TTC28: variants seen among roughly 807,000 people sequenced by gnomAD.
The protein encoded by TTC28 is tetratricopeptide repeat domain 28.
Under a neutral mutation model 198.0 loss-of-function variants are expected in TTC28, and 61 were observed. The observed-to-expected ratio is 0.31, with a 90% CI of 0.25 to 0.38. The LOEUF (loss-of-function observed/expected upper bound fraction) is 0.38, where lower values mean the gene tolerates loss of function less well. Ranked by LOEUF, TTC28 falls within the 10% of genes least tolerant of loss-of-function variation. TTC28 has a pLI of 1.00. For missense variants in TTC28, 2,678 were observed against 3,164.0 expected (o/e 0.85, Z 3.69); for synonymous variants, 1,171 against 1,297.8 (o/e 0.90, Z 2.10).
intron 5 of TTC28, among the ~76,000 whole-genome samples, chr22:28,286,503 C>T (rs951823926): frequency 6.6e-6 from 1 of 152,118 alleles, no homozygotes; most frequent in Non-Finnish European, 1.5e-5. Flanking sequence ...TTTAAATGCT[C>T]AATAGCCACA....
At chr22:28,540,256 T>C (rs897922076) in intron 2 of TTC28, among the ~76,000 whole-genome samples, 4 of 152,004 alleles carry the variant, frequency 2.6e-5, no homozygotes, top group African/African-American at 9.7e-5. Flanking sequence ...CAGGAAGCTT[T>C]ACAATCGTGG....
intron 2 of TTC28, among the ~76,000 whole-genome samples, chr22:28,332,702 C>T (rs576242035): frequency 1.4e-4 from 22 of 152,092 alleles, no homozygotes; most frequent in Non-Finnish European, 3.1e-4. Flanking sequence ...TACTTTATAT[C>T]CACATTTAAA....
chr22:28,454,413 T>C (rs1299047760), intron 2 of TTC28, among the ~76,000 whole-genome samples: 6 of 152,206 alleles, frequency 3.9e-5, no homozygotes. Flanking sequence ...CAATAAAATG[T>C]TCAGCATGGC....
At position 27,982,663 on chromosome 22, in the gene TTC28, C is replaced by G; in HGVS notation, c.7004G>C (p.Ser2335Thr). Reference protein sequence around the residue: ...SYSSAGSARSSPADAPDIDKL... With the variant: ...SYSSAGSARSTPADAPDIDKL... Reference sequence around the variant, plus strand: ...GTCTATGTCGGGAGCGTCTGCTGGACTTGAGCGAGCAGATCCAGCTGAGGA... The same window carrying G: ...GTCTATGTCGGGAGCGTCTGCTGGAGTTGAGCGAGCAGATCCAGCTGAGGA... Residue 2335 changes from serine to threonine, a missense_variant, in exon 23 of 23, where the codon AGT becomes ACT. By Grantham distance (58) the Ser-to-Thr change is moderately conservative. This residue lies in a region of TTC28 where 622 missense variants were observed against 656.0 expected (regional missense o/e 0.95). Transcript: ENST00000397906. This position sits in a 1 kb window ranked among gnomAD's most constrained non-coding sequence, Gnocchi z 5.2. 1 of 1,551,672 alleles carries G rather than the reference C, an allele frequency of 6.4e-7. No homozygotes were observed. The highest frequency in any genetic ancestry group is 8.7e-7 in the Non-Finnish European group (1 of 1,147,004).
intron 1 of TTC28, among the ~76,000 whole-genome samples, chr22:28,641,944 C>T (rs375445160): frequency 1.7e-4 from 26 of 152,124 alleles, no homozygotes; most frequent in African/African-American, 5.8e-4. Flanking sequence ...CCTTAGTGTA[C>T]GTATAAATTA....
At chr22:28,135,068 A>G (rs963501525) in intron 6 of TTC28, among the ~76,000 whole-genome samples, 2 of 152,114 alleles carry the variant, frequency 1.3e-5, no homozygotes, top group African/African-American at 4.8e-5. Context: ...GTGATTTTCT[A>G]TTGAAACCTA....
Position 28,615,454 on chromosome 22 carries a change from T to C in TTC28, c.381+14098A>G, listed in dbSNP as rs1233069472. Among the ~76,000 whole-genome samples, 6 of 152,194 alleles carry C rather than the reference T, an allele frequency of 3.9e-5. No individual in the cohort carries two copies. In the East Asian group the frequency reaches 1.2e-3, roughly 29 times the overall value. On this transcript the variant is annotated intron_variant, in intron 2 of 22. Coordinates refer to ENST00000397906, the MANE Select transcript of TTC28 (RefSeq NM_001145418.2). ...CCCAGCCATCCCATTACTGGGTATA[T>C]ACCCAAAGGATTATAAATCATGCTG...
intron 2 of TTC28, among the ~76,000 whole-genome samples, chr22:28,409,592 T>C (rs2047050816): frequency 6.7e-6 from 1 of 149,918 alleles, no homozygotes; most frequent in African/African-American, 2.4e-5. Context: ...ATAAAAAACA[T>C]ATATGGAAAC....
chr22:28,376,259 G>A (rs1053344775), intron 2 of TTC28, among the ~76,000 whole-genome samples: 3 of 152,172 alleles, frequency 2.0e-5, no homozygotes, highest in African/African-American at 7.2e-5. Flanking sequence ...TGCTCAGACT[G>A]GTGTAAGCTA....
chr22:28,046,110 C>T (rs1249988706), intron 12 of TTC28, among the ~76,000 whole-genome samples: 1 of 152,168 alleles, frequency 6.6e-6, no homozygotes, highest in Non-Finnish European at 1.5e-5. Flanking sequence ...TTTAGCTGTA[C>T]CAATATTTAG....
At chr22:28,380,546 A>G (rs1025873923) in intron 2 of TTC28, among the ~76,000 whole-genome samples, 4 of 152,202 alleles carry the variant, frequency 2.6e-5, no homozygotes, top group African/African-American at 9.6e-5. Context: ...TATGTTGGGT[A>G]CAAAATCCAG....
In TTC28 at chr22:28,167,139, GCA is replaced by G. The variant is rs1396154617; in HGVS notation, c.934-3542_934-3541del. Reference sequence around the variant, plus strand: ...TAAACCAGGAAGAAGTTGAATCTCTGCAAAGACCAATAACAGGCTCTCAAATT... The same window carrying G: ...TAAACCAGGAAGAAGTTGAATCTCTGAAGACCAATAACAGGCTCTCAAATT... On this transcript the variant is annotated intron_variant, in intron 5 of 22. Transcript: ENST00000397906. Among the ~76,000 whole-genome samples the G allele has an allele frequency of 9.2e-5, 14 of 152,278 alleles. No individual in the cohort carries two copies. The South Asian group carries it at 2.9e-3, about 32-fold the overall frequency.
intron 12 of TTC28, among the ~76,000 whole-genome samples, chr22:28,069,430 C>T (rs374645748): frequency 3.8e-4 from 58 of 152,122 alleles, no homozygotes; most frequent in African/African-American, 1.4e-3. Context: ...TCATTTCTCT[C>T]TTCTTTGTCC....
chr22:28,174,704 C>T (rs1374577984), intron 5 of TTC28, among the ~76,000 whole-genome samples: 1 of 152,068 alleles, frequency 6.6e-6, no homozygotes, highest in East Asian at 1.9e-4. Flanking sequence ...CACAGCGAAA[C>T]CCCATATCTT....
intron 5 of TTC28, among the ~76,000 whole-genome samples, chr22:28,183,229 T>G (rs1381012200): frequency 6.6e-6 from 1 of 152,018 alleles, no homozygotes; most frequent in Non-Finnish European, 1.5e-5. Context: ...CAAGCTAATA[T>G]TTTTATTTTT....
chr22:28,628,126 G>T (rs963081237), intron 2 of TTC28, among the ~76,000 whole-genome samples: 4 of 151,400 alleles, frequency 2.6e-5, no homozygotes, highest in South Asian at 2.1e-4. Context: ...AAACCTGGGG[G>T]CTCAAGGGAT....
chr22:28,605,634 A>C (rs1601614736), intron 2 of TTC28, among the ~76,000 whole-genome samples: 1 of 152,346 alleles, frequency 6.6e-6, no homozygotes, highest in Non-Finnish European at 1.5e-5. Context: ...CCCCTGCTAG[A>C]ACCACCAAAC....
chr22:27,991,244 AAAAGCAAG>A (rs1937395974), intron 19 of TTC28, among the ~76,000 whole-genome samples: 1 of 152,206 alleles, frequency 6.6e-6, no homozygotes, highest in Non-Finnish European at 1.5e-5. Flanking sequence ...TGCTCCCATC[AAAAGCAAG>A]AAATTAAGCA....
chr22:28,375,035 C>A (rs1270264850), intron 2 of TTC28, among the ~76,000 whole-genome samples: 1 of 151,762 alleles, frequency 6.6e-6, no homozygotes, highest in African/African-American at 2.4e-5. Context: ...ATGTAGTGAG[C>A]TATGATCCTG....
Sources: gnomAD v4.1 joint callset for allele counts (sites outside exome capture counted in the v4.1 genomes callset) on GRCh38, gnomAD v4.1.1 for gene constraint, gnomAD v4.1.1 regional missense constraint, Gnocchi (gnomAD v3.1) non-coding constraint, MANE v1.5 for transcripts, NCBI Gene and HGNC (gene_info 2026-07-23, HGNC 2026-07-21) for gene names.